Variants in ASGR1 observed in about 807,000 individuals in gnomAD.
The protein encoded by ASGR1 is C-type lectin domain family 4 member H1.
In ASGR1, 35 loss-of-function variants were observed where a neutral mutation model predicts 33.1. The ratio of observed to expected loss-of-function variants is 1.06; its 90% CI spans 0.81 to 1.40. ASGR1 has a LOEUF of 1.40. Ranked by LOEUF, ASGR1 falls within the 40% of genes most tolerant of loss-of-function variation. The probability of loss-of-function intolerance (pLI) is 0.00; values close to 1 mark genes in which losing one functional copy is unlikely to be tolerated. For synonymous variants in ASGR1, 142 were observed against 152.5 expected (o/e 0.93, Z 0.51); for missense variants, 396 against 373.7 (o/e 1.06, Z -0.49).
chr17:7,177,111 G>A (rs777522225), intron 3 of ASGR1, 35 bp from the exon 4 acceptor site: 3 of 1,613,384 alleles, frequency 1.9e-6, no homozygotes, highest in East Asian at 4.5e-5. Context: ...AAGAAAACGG[G>A]ATCGCTGTGT....
Position 7,176,851 on chromosome 17 carries a change from G to C in ASGR1, c.334C>G (p.Gln112Glu). The change falls in exon 5 of 9, where the codon CAG becomes GAG. Residue 112 changes from glutamine to glutamate, a missense_variant. By Grantham distance (29) the Gln-to-Glu change is conservative. Coordinates refer to ENST00000269299, the MANE Select transcript of ASGR1 (RefSeq NM_001671.5). ...TGACCTTCACTCAGGTCCTTCTGCT[G>C]TTTCTCCAGCTGGGACTCTAGCGAC... ...MKSLESQLEK[Q>E]QKDLSEDHSS... is the part of the protein sequence containing the mutation. 2.5e-6 allele frequency: 4 copies of C among 1,612,578 alleles called. No individual in the cohort carries two copies. The highest frequency in any genetic ancestry group is 2.5e-6 in the Non-Finnish European group (3 of 1,179,906).
chr17:7,178,713 CTTTTCT>C (rs2069243843), intron 1 of ASGR1, 125 bp from the exon 2 acceptor site: 1 of 484,204 alleles, frequency 2.1e-6, no homozygotes, highest in Admixed American at 3.9e-5. Context: ...TTCTTTCTTT[CTTTTCT>C]TTTTCTTTTT....
chr17:7,176,208 C>A (rs1255866342), intron 5 of ASGR1, among the ~76,000 whole-genome samples: 3 of 144,696 alleles, frequency 2.1e-5, no homozygotes, highest in South Asian at 2.2e-4. Context: ...CCATCTCATT[C>A]TCACACTCAC....
At chr17:7,177,354 C>CG in intron 2 of ASGR1, 28 bp from the exon 3 acceptor site, 2 of 1,597,260 alleles carry the variant, frequency 1.3e-6, no homozygotes, top group Non-Finnish European at 1.7e-6. Flanking sequence ...GTCAGGAGCG[C>CG]GGGGACAGAG....
chr17:7,176,193 A>T (rs1344568262), intron 5 of ASGR1, among the ~76,000 whole-genome samples: 4 of 144,036 alleles, frequency 2.8e-5, no homozygotes, highest in African/African-American at 5.3e-5. Context: ...ACACTCACAC[A>T]CACCCCATCT....
At chr17:7,175,632 T>G (rs2069189518) in intron 5 of ASGR1, among the ~76,000 whole-genome samples, 2 of 149,606 alleles carry the variant, frequency 1.3e-5, no homozygotes, top group Admixed American at 1.3e-4. Context: ...AACACACACG[T>G]TCTCACATAC....
chr17:7,178,372 T>G, intron 2 of ASGR1, 122 bp downstream of exon 2: 7 of 1,018,196 alleles, frequency 6.9e-6, no homozygotes, highest in Non-Finnish European at 1.1e-5. Flanking sequence ...TTTCCCAGTG[T>G]TGGGGGAGGG....
chr17:7,175,409 GCACA>G (rs573599614), intron 5 of ASGR1, among the ~76,000 whole-genome samples: 28 of 126,786 alleles, frequency 2.2e-4, no homozygotes, highest in African/African-American at 8.5e-4. Flanking sequence ...CCTCACACAG[GCACA>G]CACACCCTCA....
chr17:7,174,113 C>A, intron 7 of ASGR1, 25 bp downstream of exon 7: 1 of 1,614,008 alleles, frequency 6.2e-7, no homozygotes, highest in East Asian at 2.2e-5. Flanking sequence ...GGCCAGCCAG[C>A]CTCCCAGACC....
intron 6 of ASGR1, 39 bp downstream of exon 6, chr17:7,174,335 A>AG (rs760058896): frequency 2.5e-6 from 4 of 1,613,724 alleles, no homozygotes; most frequent in Non-Finnish European, 3.4e-6. Flanking sequence ...TGCCCAGAGA[A>AG]GGGGGGAGGC....
rs1037452405 is a variant in ASGR1 at position 7,178,733 on chromosome 17, C to CTT, written c.-25-147_-25-146dup. The stretch of plus-strand genomic sequence containing the variant: ...TCTTTCTTTTCTTTTTCTTTTTTTT[C>CTT]TTTTCTTTTTTTTTTTTTTTTTGAG... On this transcript the variant is annotated intron_variant, in intron 1 of 8. Transcript: ENST00000269299. 1.1e-4 allele frequency: 22 copies of CTT among 193,088 alleles called. 1 individual carries two copies. The highest frequency in any genetic ancestry group is 1.4e-3 in the Middle Eastern group (1 of 702). The allele number at this position is 193,088 out of a possible 1,614,324, so 12.0% of individuals were successfully genotyped here.
At position 7,174,387 on chromosome 17, in the gene ASGR1, C is replaced by T; in HGVS notation, c.429G>A (p.Ala143=). The T allele has an allele frequency of 1.2e-6, 2 of 1,613,964 alleles. No individual in the cohort carries two copies. The highest frequency in any genetic ancestry group is 1.1e-5 in the South Asian group (1 of 91,072). Residue 143 remains alanine, a synonymous_variant, in exon 6 of 9, where the codon GCG becomes GCA. Transcript: ENST00000269299. ...DLRSLSCQMA[A]LQGNGSERTC... ...TGGCCTCCTTACCATTGCCCTGGAG[C>T]GCCGCCATCTGACAGCTCAGGCTCC...
At chr17:7,177,531 G>A (rs1293932919) in intron 2 of ASGR1, 2 of 550,964 alleles carry the variant, frequency 3.6e-6, no homozygotes, top group East Asian at 6.0e-5. Flanking sequence ...GGGGCTAAGC[G>A]CTGAGCCGCC....
chr17:7,176,941 AG>A, intron 4 of ASGR1, 39 bp downstream of exon 4: 2 of 1,549,380 alleles, frequency 1.3e-6, no homozygotes, highest in Non-Finnish European at 1.7e-6. Flanking sequence ...ACAGCCCCCC[AG>A]CCCCAGCCCC....
chr17:7,175,109 AAACACAC>A (rs1409216800), intron 5 of ASGR1, among the ~76,000 whole-genome samples: 2 of 146,450 alleles, frequency 1.4e-5, no homozygotes, highest in African/African-American at 5.1e-5. Context: ...CAAAACACAC[AAACACAC>A]AACACACCCT....
chr17:7,176,370 TCA>T (rs1472888768), intron 5 of ASGR1, among the ~76,000 whole-genome samples: 4 of 145,050 alleles, frequency 2.8e-5, no homozygotes, highest in East Asian at 2.2e-4. Context: ...ACACCCCATC[TCA>T]TTCTTACACT....
At chr17:7,174,798 C>T (rs1055151666) in intron 5 of ASGR1, among the ~76,000 whole-genome samples, 2 of 150,858 alleles carry the variant, frequency 1.3e-5, no homozygotes, top group African/African-American at 4.9e-5. Context: ...AACCCACAGA[C>T]ACAAACGCAG....
In ASGR1 at chr17:7,177,042, T is replaced by C. The variant is rs1006022331; in HGVS notation, c.222A>G (p.Arg74=). The C allele has an allele frequency of 3.7e-6, 6 of 1,612,740 alleles. No individual in the cohort carries two copies. The highest frequency in any genetic ancestry group is 1.3e-5 in the African/African-American group (1 of 74,578). ...SQLQEELRGL[R]ETFSNFTAST... The stretch of plus-strand genomic sequence containing the variant: ...TCGCTGTGAAGTTGCTGAACGTCTC[T>C]CTCAGGCCCCGCAGCTCCTCCTGCA... The change falls in exon 4 of 9, where the codon AGA becomes AGG. Residue 74 remains arginine (R), a synonymous_variant. Transcript: ENST00000269299.
chr17:7,174,214 T>C lies in ASGR1; in HGVS notation c.518A>G (p.Lys173Arg). ...GTAGTTGTCGGCGTCAGCCCAGGCC[T>C]TCCCGGAGCGAGAGAACCAGTAGCA... ...RSCYWFSRSG[K>R]AWADADNYCR... Residue 173 changes from lysine to arginine, a missense_variant, in exon 7 of 9, where the codon AAG becomes AGG. Physicochemically the swap from Lys to Arg is conservative, Grantham distance 26 (BLOSUM62 2). Coordinates refer to ENST00000269299, the MANE Select transcript of ASGR1 (RefSeq NM_001671.5). 6.2e-7 allele frequency: 1 copy of C among 1,614,184 alleles called. No individual in the cohort carries two copies. Among genetic ancestry groups the C allele is most frequent in the Non-Finnish European group, 8.5e-7 (1 of 1,180,018 alleles).
Sources: allele counts gnomAD v4.1 joint callset (sites outside exome capture counted in the v4.1 genomes callset), GRCh38; gene constraint gnomAD v4.1.1; transcripts MANE v1.5; gene names NCBI Gene and HGNC (gene_info 2026-07-23, HGNC 2026-07-21).